Variants in ROR2 observed in about 807,000 individuals in gnomAD.
The protein encoded by ROR2 is ROR family WNT receptor 2.
Under a neutral mutation model 74.9 loss-of-function variants are expected in ROR2, and 33 were observed. The observed-to-expected ratio is 0.44, with a 90% confidence interval of 0.33 to 0.59. ROR2 has a LOEUF of 0.59. Ranked by LOEUF, ROR2 falls within the 20% of genes least tolerant of loss-of-function variation. The probability of loss-of-function intolerance (pLI) is 0.02; values close to 1 mark genes in which losing one functional copy is unlikely to be tolerated. For missense variants in ROR2, 1,216 were observed against 1,313.8 expected, an observed-to-expected ratio of 0.93 and a Z score of 1.15; for synonymous variants, 586 against 558.7, an observed-to-expected ratio of 1.05 and a Z score of -0.69.
At chr9:91,906,226 G>T (rs1285324757) in intron 1 of ROR2, among the ~76,000 whole-genome samples, 2 of 152,182 alleles carry the variant, frequency 1.3e-5, no homozygotes, top group East Asian at 3.8e-4. Flanking sequence ...AGGTCACCCA[G>T]AGGGGCTGCA....
chr9:91,929,392 G>A (rs896217659), intron 1 of ROR2, among the ~76,000 whole-genome samples: 4 of 152,134 alleles, frequency 2.6e-5, no homozygotes, highest in South Asian at 2.1e-4. Context: ...TCGAGATGAC[G>A]CCAGTGGTCA....
intron 1 of ROR2, among the ~76,000 whole-genome samples, chr9:91,816,205 G>C (rs922350037): frequency 1.3e-5 from 2 of 152,058 alleles, no homozygotes; most frequent in Non-Finnish European, 2.9e-5. Context: ...AACCTTGCTC[G>C]GGCTCACTGC....
intron 1 of ROR2, among the ~76,000 whole-genome samples, chr9:91,808,775 G>T (rs911076960): frequency 1.3e-5 from 2 of 151,666 alleles, no homozygotes; most frequent in East Asian, 2.0e-4. Context: ...TGGCTAACAC[G>T]GTGAAACTAA....
chr9:91,922,697 C>T (rs553436193), intron 1 of ROR2, among the ~76,000 whole-genome samples: 2 of 152,316 alleles, frequency 1.3e-5, no homozygotes, highest in East Asian at 3.9e-4. Context: ...TCGTGATCCA[C>T]CTGCCTTGGC....
At chr9:91,896,773 G>A (rs557853146) in intron 1 of ROR2, among the ~76,000 whole-genome samples, 1 of 152,092 alleles carries the variant, frequency 6.6e-6, no homozygotes, top group Admixed American at 6.5e-5. Flanking sequence ...ACAAAACAAT[G>A]TTCTGTCCAA....
rs577021501 is a variant in ROR2 at position 91,941,903 on chromosome 9, G to A, written c.97+7964C>T. Among the ~76,000 whole-genome samples, 3 of 151,564 alleles carry A rather than the reference G, an allele frequency of 2.0e-5. No individual in the cohort carries two copies. In the South Asian group the frequency reaches 6.3e-4, roughly 32 times the overall value. On this transcript the variant is annotated intron_variant, in intron 1 of 8. Coordinates refer to ENST00000375708, the MANE Select transcript of ROR2 (RefSeq NM_004560.4). ...CCTCCCGGGTTCAAGTGATTCTCCT[G>A]CTTCAGCCTCCCTAGTAGCTGGAAT...
chr9:91,936,361 G>A (rs1831690787), intron 1 of ROR2, among the ~76,000 whole-genome samples: 1 of 152,166 alleles, frequency 6.6e-6, no homozygotes, highest in African/African-American at 2.4e-5. Flanking sequence ...CTGTCCATAA[G>A]CCGAGTGTCG....
chr9:91,833,847 C>T (rs1335606423), intron 1 of ROR2, among the ~76,000 whole-genome samples: 4 of 152,142 alleles, frequency 2.6e-5, no homozygotes, highest in Non-Finnish European at 5.9e-5. Context: ...GAGGGAGGGA[C>T]GTCCCCTCAC....
chr9:91,742,672 A>C (rs149411072), intron 4 of ROR2, among the ~76,000 whole-genome samples: 3 of 152,238 alleles, frequency 2.0e-5, no homozygotes, highest in Non-Finnish European at 1.5e-5. Context: ...CGGAGCTGTC[A>C]TAACACTGTA....
intron 1 of ROR2, among the ~76,000 whole-genome samples, chr9:91,836,764 C>T (rs1828623026): frequency 1.3e-5 from 2 of 152,202 alleles, no homozygotes; most frequent in East Asian, 1.9e-4. Flanking sequence ...TTCTTGAAGC[C>T]TTGGTTTTTC....
intron 1 of ROR2, among the ~76,000 whole-genome samples, chr9:91,896,242 C>G (rs1015092921): frequency 2.0e-5 from 3 of 152,148 alleles, no homozygotes; most frequent in African/African-American, 7.2e-5. Context: ...ACTGCGTGTC[C>G]TTCCTTGCCA....
Position 91,725,077 on chromosome 9 carries a change from C to T in ROR2, c.1417G>A (p.Val473Met), listed in dbSNP as rs2118629098. The change falls in exon 9 of 9, where the codon GTG becomes ATG. Residue 473 changes from valine to methionine, a missense_variant. Physicochemically the swap from Val to Met is conservative, Grantham distance 21. Transcript: ENST00000375708. Reference protein sequence around the residue: ...AKLKEISLSAVRFMEELGEDR... With the variant: ...AKLKEISLSAMRFMEELGEDR... ...TCTCCCAGCTCCTCCATGAACCTCA[C>T]CGCAGACAGGCTGATCTCTTTGAGT... The T allele has an allele frequency of 6.2e-7, 1 of 1,614,064 alleles. No homozygotes were observed. Among genetic ancestry groups the T allele is most frequent in the East Asian group, 2.2e-5 (1 of 44,870 alleles).
chr9:91,851,363 A>AAAAG (rs1405633478), intron 1 of ROR2, among the ~76,000 whole-genome samples: 9 of 151,682 alleles, frequency 5.9e-5, no homozygotes, highest in Non-Finnish European at 1.0e-4. Context: ...CAAAAAAAAA[A>AAAAG]AAAAGAAAAG....
intron 1 of ROR2, among the ~76,000 whole-genome samples, chr9:91,798,181 A>G (rs1587728615): frequency 3.0e-5 from 1 of 32,894 alleles, no homozygotes; most frequent in Non-Finnish European, 5.3e-5. Flanking sequence ...TAGTGGGTGG[A>G]GTTGACACCA....
rs201155263 is a variant in ROR2 at position 91,724,254 on chromosome 9, C to G, written c.2240G>C (p.Arg747Pro). Reference protein sequence around the residue: ...PRFKDIHSRLRAWGNLSNYNS... With the variant: ...PRFKDIHSRLPAWGNLSNYNS... ...GTAGTTGGAAAGGTTGCCCCAGGCT[C>G]GGAGCCGGCTGTGGATGTCCTTGAA... Residue 747 changes from arginine to proline, a missense_variant, in exon 9 of 9, where the codon CGA (arginine) becomes CCA (proline). Physicochemically the swap from Arg to Pro is moderately radical, Grantham distance 103 (BLOSUM62 -2). Transcript: ENST00000375708. 1.9e-6 allele frequency: 3 copies of G among 1,613,378 alleles called. No homozygotes were observed. Among genetic ancestry groups the G allele is most frequent in the South Asian group, 2.2e-5 (2 of 91,084 alleles).
intron 1 of ROR2, among the ~76,000 whole-genome samples, chr9:91,944,270 T>A (rs1274848610): frequency 6.6e-6 from 1 of 152,216 alleles, no homozygotes; most frequent in Non-Finnish European, 1.5e-5. Context: ...GGCACAGTCA[T>A]ATACAGTAGT....
intron 1 of ROR2, among the ~76,000 whole-genome samples, chr9:91,878,935 A>G (rs1334901296): frequency 6.6e-6 from 1 of 152,114 alleles, no homozygotes; most frequent in Non-Finnish European, 1.5e-5. Flanking sequence ...CCGGCTACTC[A>G]GGAGGCTGAG....
intron 1 of ROR2, among the ~76,000 whole-genome samples, chr9:91,838,843 T>A (rs1284654179): frequency 6.6e-6 from 1 of 151,706 alleles, no homozygotes; most frequent in Non-Finnish European, 1.5e-5. Context: ...CATTCTGGAG[T>A]TTTAAATAAA....
intron 1 of ROR2, among the ~76,000 whole-genome samples, chr9:91,790,274 G>A (rs1472193704): frequency 6.6e-6 from 1 of 151,930 alleles, no homozygotes; most frequent in Non-Finnish European, 1.5e-5. Flanking sequence ...GGCCGAGGAG[G>A]GCAGATCACA....
Sources: gnomAD v4.1 joint callset for allele counts (sites outside exome capture counted in the v4.1 genomes callset) on GRCh38, gnomAD v4.1.1 for gene constraint, MANE v1.5 for transcripts, NCBI Gene and HGNC (gene_info 2026-07-23, HGNC 2026-07-21) for gene names.